CCDC194: variants seen among roughly 807,000 people sequenced by gnomAD.
CCDC194 encodes coiled-coil domain containing 194.
A neutral mutation model predicts 4.9 loss-of-function variants in CCDC194; 8 were observed. That is an observed-to-expected ratio of 1.65 (90% CI 0.97 to 2.97). The LOEUF is 2.97. Among genes scored for constraint, CCDC194 ranks in the 30% most tolerant of loss-of-function variants. The probability of loss-of-function intolerance (pLI) is 0.00; values close to 1 mark genes in which losing one functional copy is unlikely to be tolerated. For synonymous variants in CCDC194, 13 were observed against 17.0 expected (o/e 0.76, Z 0.58); for missense variants, 52 against 43.1 (o/e 1.21, Z -0.58).
downstream of CCDC194, among the ~76,000 whole-genome samples, chr19:17,387,674 C>A (rs1049471723): frequency 6.6e-6 from 1 of 151,696 alleles, no homozygotes; most frequent in African/African-American, 2.4e-5. Context: ...GCTGAGACTG[C>A]GCCATTGCAC....
chr19:17,394,138 C>T (rs1439542194), exon 1 of CCDC194: 8 of 392,408 alleles, frequency 2.0e-5, no homozygotes, highest in South Asian at 2.6e-4. Context: ...CACGCCCGGG[C>T]TCCGGCCCCG....
downstream of CCDC194, among the ~76,000 whole-genome samples, chr19:17,389,451 G>C (rs993678442): frequency 1.3e-5 from 2 of 152,000 alleles, no homozygotes. Flanking sequence ...CTTCCTTTTA[G>C]TTGTAGCTTT....
chr19:17,390,899 C>T lies in CCDC194; in HGVS notation c.555-240G>A, dbSNP rs1046692163. The stretch of plus-strand genomic sequence containing the variant: ...CTCTGTCCCCCTACCACCAGCCTCT[C>T]CCTCGATACTCCCTTTTCCTTGCTC... On this transcript the variant is annotated intron_variant, in intron 3 of 3. Transcript: ENST00000636079. This position sits in a 1 kb window ranked among gnomAD's most constrained non-coding sequence, Gnocchi z 5.5. Among the ~76,000 whole-genome samples the T allele has an allele frequency of 5.9e-5, 9 of 152,066 alleles. No individual in the cohort carries two copies. Among genetic ancestry groups the T allele is most frequent in the Non-Finnish European group, 2.9e-5 (2 of 68,000 alleles).
At chr19:17,394,160 C>T, upstream of CCDC194, 1 of 391,536 alleles carries the variant, frequency 2.6e-6, no homozygotes, top group Non-Finnish European at 4.5e-6. Context: ...CTCGGCCATG[C>T]CGCGGTCCAC....
In CCDC194 at chr19:17,392,076, C is replaced by T. The variant is rs539611198; in HGVS notation, c.325-230G>A. ...GAGGGAGATCTCTGCCCAGGTCCAA[C>T]GCCACCAACCCTAAGCCACCAGAAA... On this transcript the variant is annotated intron_variant, in intron 1 of 3. Transcript: ENST00000636079. 10 of 445,250 alleles carry T rather than the reference C, an allele frequency of 2.2e-5. No individual in the cohort carries two copies. In the South Asian group the frequency reaches 3.4e-4, roughly 15 times the overall value. 27.6% of individuals were successfully genotyped at this position (445,250 alleles called of 1,614,324 possible).
At chr19:17,392,046 G>T (rs1237274532) in intron 1 of CCDC194, 200 bp from the exon 2 acceptor site, 1 of 496,960 alleles carries the variant, frequency 2.0e-6, no homozygotes, top group Non-Finnish European at 3.5e-6. Flanking sequence ...ACAGCTGCCT[G>T]CCTGGAGGGA....
rs920957319 is a variant in CCDC194 at position 17,390,932 on chromosome 19, T to C, written c.555-273A>G. Among the ~76,000 whole-genome samples, 1 of 151,904 alleles carries C rather than the reference T, an allele frequency of 6.6e-6. No homozygotes were observed. The highest frequency in any genetic ancestry group is 1.5e-5 in the Non-Finnish European group (1 of 67,980). On this transcript the variant is annotated intron_variant, in intron 3 of 3. Coordinates refer to ENST00000636079, the Ensembl canonical transcript of CCDC194. This position sits in a 1 kb window ranked among gnomAD's most constrained non-coding sequence, Gnocchi z 5.5. ...ACTCCCTTTTCCTTGCTCCCTTCTC[T>C]TCCGTTCCCCGTCCCTCTCGGGGCT...
intron 3 of CCDC194, among the ~76,000 whole-genome samples, 183 bp downstream of exon 3, chr19:17,391,028 C>T (rs1452910004): frequency 6.6e-6 from 1 of 151,976 alleles, no homozygotes; most frequent in Non-Finnish European, 1.5e-5. Flanking sequence ...CCAAGAGAGT[C>T]CACTCCCTTC....
downstream of CCDC194, among the ~76,000 whole-genome samples, chr19:17,389,499 G>GAA (rs201007645): frequency 6.6e-6 from 1 of 151,788 alleles, no homozygotes; most frequent in African/African-American, 2.4e-5. Context: ...TGTACTCCCA[G>GAA]AAAAAAAACT....
chr19:17,390,709 G>C lies in CCDC194; in HGVS notation c.555-50C>G, dbSNP rs1436098221. On this transcript the variant is annotated intron_variant, in intron 3 of 3. Coordinates refer to ENST00000636079, the Ensembl canonical transcript of CCDC194. This position sits in a 1 kb window ranked among gnomAD's most constrained non-coding sequence, Gnocchi z 5.5. ...GTCAGCCTCTGGACCCCTGTCCCCA[G>C]ACATCGCCAGCCCTCATCCGCCAGA... 2.3e-5 allele frequency: 9 copies of C among 395,756 alleles called. No homozygotes were observed. The highest frequency in any genetic ancestry group is 3.1e-5 in the Non-Finnish European group (7 of 224,188). 24.5% of individuals were successfully genotyped at this position (395,756 alleles called of 1,614,324 possible). A position where few individuals can be genotyped will look rare whatever the true frequency, so the allele number is the denominator to read the frequency against.
chr19:17,387,218 A>G (rs1402619907), downstream of CCDC194, among the ~76,000 whole-genome samples: 2 of 151,598 alleles, frequency 1.3e-5, no homozygotes, highest in African/African-American at 4.8e-5. Flanking sequence ...AACAATTTTT[A>G]ATTTTTAATT....
chr19:17,388,676 A>T (rs1417232847), downstream of CCDC194, among the ~76,000 whole-genome samples: 1 of 149,378 alleles, frequency 6.7e-6, no homozygotes, highest in East Asian at 2.0e-4. Flanking sequence ...ATTTTGAAAC[A>T]ATTATTTGTA....
downstream of CCDC194, among the ~76,000 whole-genome samples, chr19:17,389,012 A>T (rs755972559): frequency 6.6e-6 from 1 of 151,220 alleles, no homozygotes; most frequent in African/African-American, 2.4e-5. Flanking sequence ...CTAATTATTG[A>T]TATTATTTGT....
intron 2 of CCDC194, 178 bp from the exon 3 acceptor site, chr19:17,391,521 C>A: frequency 1.0e-6 from 1 of 982,346 alleles, no homozygotes; most frequent in Admixed American, 2.7e-5. Context: ...CATAGGTTTG[C>A]ATTGCTTTCG....
intron 2 of CCDC194, 165 bp downstream of exon 2, chr19:17,391,585 A>G (rs2074654901): frequency 2.7e-6 from 4 of 1,470,728 alleles, no homozygotes; most frequent in Non-Finnish European, 3.6e-6. Context: ...TGTTTTTGTG[A>G]CATTTGCATG....
At chr19:17,390,350 G>C (rs1351344552), downstream of CCDC194, among the ~76,000 whole-genome samples, 2 of 152,138 alleles carry the variant, frequency 1.3e-5, no homozygotes, top group African/African-American at 2.4e-5. The surrounding 1 kb of genome is among the most constrained non-coding windows in gnomAD (Gnocchi z 5.5). Context: ...GGGGGAGAGA[G>C]GGCTGAGGCA....
chr19:17,387,612 C>T (rs139972598), downstream of CCDC194, among the ~76,000 whole-genome samples: 1 of 151,746 alleles, frequency 6.6e-6, no homozygotes, highest in South Asian at 2.1e-4. Context: ...TCCAGTTACT[C>T]GAGGCTGAGG....
intron 1 of CCDC194, among the ~76,000 whole-genome samples, chr19:17,392,977 C>A (rs112847112): frequency 6.6e-6 from 1 of 152,142 alleles, no homozygotes; most frequent in Non-Finnish European, 1.5e-5. Flanking sequence ...CCACTGCGCC[C>A]GGCCCCATTT....
chr19:17,392,473 AGAAC>A (rs2074658509), intron 1 of CCDC194, among the ~76,000 whole-genome samples: 1 of 152,138 alleles, frequency 6.6e-6, no homozygotes, highest in South Asian at 2.1e-4. Context: ...ACTCCGTCTC[AGAAC>A]AAACAAACCC....
Sources: allele counts gnomAD v4.1 joint callset (sites outside exome capture counted in the v4.1 genomes callset), GRCh38; gene constraint gnomAD v4.1.1; non-coding constraint Gnocchi (gnomAD v3.1); transcripts MANE v1.5; gene names NCBI Gene and HGNC (gene_info 2026-07-23, HGNC 2026-07-21).